The following OR2F1 variants were observed in gnomAD, a reference collection of about 807,000 sequenced individuals.
OR2F1 encodes olfactory receptor family 2 subfamily F member 1, also known as olfactory receptor 2F1.
For missense variants in OR2F1, 389 were observed against 378.2 expected (o/e 1.03, Z -0.24); for synonymous variants, 146 against 155.3 (o/e 0.94, Z 0.44).
chr7:143,959,299 A>T (rs999614720), intron 2 of OR2F1, among the ~76,000 whole-genome samples, 191 bp downstream of exon 2: 5 of 152,224 alleles, frequency 3.3e-5, no homozygotes, highest in Non-Finnish European at 5.9e-5. Context: ...AGTAATTATT[A>T]TAGCTAGAAA....
At position 143,960,869 on chromosome 7, in the gene OR2F1, C is replaced by A. The variant is rs775538994; in HGVS notation, c.899C>A (p.Ala300Asp). The A allele has an allele frequency of 2.4e-5, 38 of 1,613,390 alleles. No individual in the cohort carries two copies. Among genetic ancestry groups the A allele is most frequent in the Non-Finnish European group, 3.0e-5 (35 of 1,179,822 alleles). ...CTAAGGAATAAAGAGGTGAAGGGGG[C>A]CTGGCAGAAACTATTATGGAAATTC... ...YSLRNKEVKG[A>D]WQKLLWKFSG... The change falls in exon 3 of 3, where the codon GCC becomes GAC. Residue 300 changes from alanine (A) to aspartate (D), a missense_variant. By Grantham distance (126) the Ala-to-Asp change is moderately radical (BLOSUM62 -2). Transcript: ENST00000641412.
In OR2F1 at chr7:143,963,315, C is replaced by T. The variant is rs1274809996; in HGVS notation, c.*2391C>T. On this transcript the variant is annotated 3_prime_UTR_variant, in exon 3 of 3. Coordinates refer to ENST00000641412, the MANE Select transcript of OR2F1 (RefSeq NM_012369.3). ...TGACATTTCTCCATCAACCATCACACAATCCTTTGCCTTCAAACAACTCCT... is the reference window on the plus strand; with the variant it reads ...TGACATTTCTCCATCAACCATCACATAATCCTTTGCCTTCAAACAACTCCT... 2 of 152,192 alleles carry T rather than the reference C, an allele frequency of 1.3e-5. No individual in the cohort carries two copies. The highest frequency in any genetic ancestry group is 4.8e-5 in the African/African-American group (2 of 41,446). The allele number at this position is 152,192 out of a possible 1,614,324, so 9.4% of individuals were successfully genotyped here.
At position 143,961,003 on chromosome 7, in the gene OR2F1, T is replaced by C; in HGVS notation, c.*79T>C. On this transcript the variant is annotated 3_prime_UTR_variant, in exon 3 of 3. Coordinates refer to ENST00000641412, the MANE Select transcript of OR2F1 (RefSeq NM_012369.3). ...TGAGATCTGACAGGTGTAAACTACA[T>C]TGCCCTGGCAACCAGGAAGGAGATG... 1 of 1,094,200 alleles carries C rather than the reference T, an allele frequency of 9.1e-7. No homozygotes were observed. Among genetic ancestry groups the C allele is most frequent in the Non-Finnish European group, 1.3e-6 (1 of 749,484 alleles). The allele number at this position is 1,094,200 out of a possible 1,614,324, so 67.8% of individuals were successfully genotyped here. A position where few individuals can be genotyped will look rare whatever the true frequency, so the allele number is the denominator to read the frequency against.
rs1027470023 is a variant in OR2F1 at position 143,964,064 on chromosome 7, T to C, written c.*3140T>C. The C allele has an allele frequency of 1.3e-5, 2 of 152,200 alleles. No homozygotes were observed. The highest frequency in any genetic ancestry group is 4.8e-5 in the African/African-American group (2 of 41,452). The allele number at this position is 152,200 out of a possible 1,614,324, so 9.4% of individuals were successfully genotyped here. A position where few individuals can be genotyped will look rare whatever the true frequency, so the allele number is the denominator to read the frequency against. ...CTTTTTTATTTGATAGAGTTTTTAA[T>C]TTCAAGGCTGCACTTTCTCGGTAAC... On this transcript the variant is annotated 3_prime_UTR_variant, in exon 3 of 3. Coordinates refer to ENST00000641412, the MANE Select transcript of OR2F1 (RefSeq NM_012369.3).
intron 1 of OR2F1, among the ~76,000 whole-genome samples, chr7:143,956,444 C>T (rs1586835518): frequency 6.6e-6 from 1 of 151,832 alleles, no homozygotes; most frequent in East Asian, 1.9e-4. Context: ...TTTTGAAACC[C>T]ACAATAGCCA....
At position 143,958,624 on chromosome 7, in the gene OR2F1, C is replaced by T. The variant is rs73464583; in HGVS notation, c.-179-329C>T. On this transcript the variant is annotated intron_variant, in intron 1 of 2. Coordinates refer to ENST00000641412, the MANE Select transcript of OR2F1 (RefSeq NM_012369.3). Reference sequence around the variant, plus strand: ...TAATGCCTCCTGCCTCATTTGTTTCCTACTTTCCCTTATTGTGAACACTGC... The same window carrying T: ...TAATGCCTCCTGCCTCATTTGTTTCTTACTTTCCCTTATTGTGAACACTGC... Among the ~76,000 whole-genome samples, 570 of 152,224 alleles carry T rather than the reference C, an allele frequency of 3.7e-3. 1 individual carries two copies. The highest frequency in any genetic ancestry group is 0.012 in the African/African-American group (515 of 41,540).
At chr7:143,956,846 G>T (rs1272202932) in intron 1 of OR2F1, among the ~76,000 whole-genome samples, 1 of 152,104 alleles carries the variant, frequency 6.6e-6, no homozygotes, top group South Asian at 2.1e-4. Context: ...GTGGCTGAGA[G>T]TAAGGAGGAG....
At position 143,960,056 on chromosome 7, in the gene OR2F1, T is replaced by A. The variant is rs746750385; in HGVS notation, c.86T>A (p.Val29Asp). 3.7e-6 allele frequency: 6 copies of A among 1,614,210 alleles called. No homozygotes were observed. The highest frequency in any genetic ancestry group is 5.1e-6 in the Non-Finnish European group (6 of 1,180,040). Residue 29 changes from valine to aspartate, a missense_variant, in exon 3 of 3, where the codon GTC (valine) becomes GAC (aspartate). Transcript: ENST00000641412. ...SDWDTRVSLF[V>D]LFLVMYVVTV... is the part of the protein sequence containing the mutation. The stretch of plus-strand genomic sequence containing the variant: ...TGGGACACTCGGGTCTCCCTGTTTG[T>A]CCTGTTCTTGGTCATGTATGTGGTG...
In OR2F1 at chr7:143,963,242, G is replaced by C. The variant is rs1168755918; in HGVS notation, c.*2318G>C. 2.0e-5 allele frequency: 3 copies of C among 152,210 alleles called. No individual in the cohort carries two copies. The highest frequency in any genetic ancestry group is 2.9e-5 in the Non-Finnish European group (2 of 68,030). The allele number at this position is 152,210 out of a possible 1,614,324, so 9.4% of individuals were successfully genotyped here. ...TACATCAAGGAGGAAAATACGTGAA[G>C]ATGCTATATCTTCATTTCTGCCAGC... is the stretch of plus-strand genomic sequence containing the variant. On this transcript the variant is annotated 3_prime_UTR_variant, in exon 3 of 3. Transcript: ENST00000641412.
intron 1 of OR2F1, among the ~76,000 whole-genome samples, chr7:143,958,457 A>T (rs1317946645): frequency 6.6e-6 from 1 of 152,148 alleles, no homozygotes; most frequent in Non-Finnish European, 1.5e-5. Flanking sequence ...TTTAGAAAAA[A>T]TGGTTGTGAA....
intron 1 of OR2F1, among the ~76,000 whole-genome samples, chr7:143,956,600 AGAG>A (rs2050287754): frequency 6.6e-6 from 1 of 152,190 alleles, no homozygotes; most frequent in African/African-American, 2.4e-5. Context: ...TCATAGAAGA[AGAG>A]CAGATTATGG....
Position 143,960,108 on chromosome 7 carries a change from CCTT to C in OR2F1, c.141_143del (p.Leu48del). On this transcript the variant is annotated inframe_deletion, in exon 3 of 3. Coordinates refer to ENST00000641412, the MANE Select transcript of OR2F1 (RefSeq NM_012369.3). Reference sequence around the variant, plus strand: ...CCGTGCTGGGGAACTGTCTCATTGTCCTTCTGATCAGACTGGACAGCCGACTCC... The same window carrying C: ...CCGTGCTGGGGAACTGTCTCATTGTCCTGATCAGACTGGACAGCCGACTCC... 1 of 1,614,090 alleles carries C rather than the reference CCTT, an allele frequency of 6.2e-7. No homozygotes were observed. The highest frequency in any genetic ancestry group is 1.1e-5 in the South Asian group (1 of 91,076).
chr7:143,961,034 G>A lies in OR2F1; in HGVS notation c.*110G>A. ...TGGCAACCAGGAAGGAGATGACGTA[G>A]CATGTACTGTGGATGTTATGGAGGA... On this transcript the variant is annotated 3_prime_UTR_variant, in exon 3 of 3. Coordinates refer to ENST00000641412, the MANE Select transcript of OR2F1 (RefSeq NM_012369.3). 1.3e-6 allele frequency: 1 copy of A among 785,802 alleles called. No individual in the cohort carries two copies. Among genetic ancestry groups the A allele is most frequent in the Non-Finnish European group, 2.1e-6 (1 of 483,048 alleles). 48.7% of individuals were successfully genotyped at this position (785,802 alleles called of 1,614,324 possible).
Position 143,960,498 on chromosome 7 carries a change from CAT to C in OR2F1, c.531_532del (p.Ser178LeufsTer2), listed in dbSNP as rs2050318816. On this transcript the variant is annotated frameshift_variant, in exon 3 of 3. Transcript: ENST00000641412. LOFTEE classifies it low-confidence loss of function (END_TRUNC). ...PMCRNKFIDHISCELLAVVRL... is the reference protein window; with the variant it reads ...PMCRNKFIDHXSCELLAVVRL... ...TGTGCAGAAACAAGTTTATTGATCA[CAT>C]ATCCTGTGAACTCCTAGCTGTGGTC... 10 of 1,614,200 alleles carry C rather than the reference CAT, an allele frequency of 6.2e-6. No homozygotes were observed. The highest frequency in any genetic ancestry group is 8.5e-6 in the Non-Finnish European group (10 of 1,180,042).
rs934636594 is a variant in OR2F1, at chr7:143,963,194, C to T, written c.*2270C>T. 1.3e-5 allele frequency: 2 copies of T among 152,092 alleles called. No individual in the cohort carries two copies. Among genetic ancestry groups the T allele is most frequent in the Non-Finnish European group, 2.9e-5 (2 of 68,004 alleles). The allele number at this position is 152,092 out of a possible 1,614,324, so 9.4% of individuals were successfully genotyped here. A position where few individuals can be genotyped will look rare whatever the true frequency, so the allele number is the denominator to read the frequency against. On this transcript the variant is annotated 3_prime_UTR_variant, in exon 3 of 3. Coordinates refer to ENST00000641412, the MANE Select transcript of OR2F1 (RefSeq NM_012369.3). The stretch of plus-strand genomic sequence containing the variant: ...GGGAAAGAGATAAGAAGAAAGTAAT[C>T]AAAAATACAAACATACACATAATAC...
chr7:143,963,880 TG>T lies in OR2F1; in HGVS notation c.*2959del. The T allele has an allele frequency of 6.6e-6, 1 of 152,220 alleles. No homozygotes were observed. The highest frequency in any genetic ancestry group is 1.9e-4 in the East Asian group (1 of 5,200). 9.4% of individuals were successfully genotyped at this position (152,220 alleles called of 1,614,324 possible). ...AGATGGTGCCTACCCAGATTGAGGATGGGCCTGCCTCTCCTAGTCCACTGAC... is the reference window on the plus strand; with the variant it reads ...AGATGGTGCCTACCCAGATTGAGGATGGCCTGCCTCTCCTAGTCCACTGAC... On this transcript the variant is annotated 3_prime_UTR_variant, in exon 3 of 3. Coordinates refer to ENST00000641412, the MANE Select transcript of OR2F1 (RefSeq NM_012369.3).
Position 143,960,295 on chromosome 7 carries a change from G to A in OR2F1, c.325G>A (p.Gly109Arg). The change falls in exon 3 of 3, where the codon GGG becomes AGG. Residue 109 changes from glycine to arginine, a missense_variant. Coordinates refer to ENST00000641412, the MANE Select transcript of OR2F1 (RefSeq NM_012369.3). Reference sequence around the variant, plus strand: ...GTTATTTTTCTCCCTGGCCTTGGGTGGGATTGAGTTTGTTCTCCTGGCGGT... The same window carrying A: ...GTTATTTTTCTCCCTGGCCTTGGGTAGGATTGAGTTTGTTCTCCTGGCGGT... Reference protein sequence around the residue: ...AQLFFSLALGGIEFVLLAVMA... With the variant: ...AQLFFSLALGRIEFVLLAVMA... 1.2e-6 allele frequency: 2 copies of A among 1,614,162 alleles called. No individual in the cohort carries two copies. The highest frequency in any genetic ancestry group is 2.7e-5 in the African/African-American group (2 of 75,036).
chr7:143,958,955 A>G lies in OR2F1; in HGVS notation c.-177A>G, dbSNP rs6971999. On this transcript the variant is annotated splice_region_variant and 5_prime_UTR_variant, in exon 2 of 3. Coordinates refer to ENST00000641412, the MANE Select transcript of OR2F1 (RefSeq NM_012369.3). ...TGCATGTTTATTTTCTTTGGCAGCC[A>G]TAGCAACAGCAGCAAGTTGAAAAGA... The G allele has an allele frequency of 0.16, 24,759 of 151,196 alleles. 2,704 individuals are homozygous for G. Among genetic ancestry groups the G allele is most frequent in the African/African-American group, 0.29 (11,708 of 41,038 alleles). 9.4% of individuals were successfully genotyped at this position (151,196 alleles called of 1,614,324 possible). A position where few individuals can be genotyped will look rare whatever the true frequency, so the allele number is the denominator to read the frequency against.
intron 1 of OR2F1, among the ~76,000 whole-genome samples, chr7:143,958,538 T>G (rs544698093): frequency 4.1e-4 from 62 of 152,266 alleles, no homozygotes; most frequent in African/African-American, 1.1e-3. Context: ...AGAGTTGAAG[T>G]ATTGACAGTC....
Sources: gnomAD v4.1 joint callset for allele counts (sites outside exome capture counted in the v4.1 genomes callset) on GRCh38, gnomAD v4.1.1 for gene constraint, MANE v1.5 for transcripts, NCBI Gene and HGNC (gene_info 2026-07-23, HGNC 2026-07-21) for gene names.